CSGALNACT1: variants seen among roughly 807,000 people sequenced by gnomAD.
CSGALNACT1 encodes the protein chondroitin sulfate N-acetylgalactosaminyltransferase 1, also known as beta4GalNAcT-1.
CSGALNACT1 carries 52 observed loss-of-function variants against 51.0 expected under a neutral mutation model. The observed-to-expected ratio is 1.02, with a 90% CI of 0.82 to 1.29. The LOEUF (loss-of-function observed/expected upper bound fraction) is 1.29, where lower values mean the gene tolerates loss of function less well. CSGALNACT1 is among the 50% of genes most tolerant of loss of function. The pLI is 0.00. For synonymous variants in CSGALNACT1, 341 were observed against 254.4 expected, an observed-to-expected ratio of 1.34 and a Z score of -3.24; for missense variants, 935 against 679.2, an observed-to-expected ratio of 1.38 and a Z score of -4.19.
intron 1 of CSGALNACT1, among the ~76,000 whole-genome samples, chr8:19,740,601 G>GTAACTGTTA (rs2064253007): frequency 6.6e-6 from 1 of 152,132 alleles, no homozygotes; most frequent in East Asian, 1.9e-4. Flanking sequence ...ACTTATTTTA[G>GTAACTGTTA]TAACTGTTAT....
intron 1 of CSGALNACT1, among the ~76,000 whole-genome samples, chr8:19,621,612 A>G (rs2053836326): frequency 6.6e-6 from 1 of 152,084 alleles, no homozygotes; most frequent in African/African-American, 2.4e-5. Flanking sequence ...CCCAGTCTCT[A>G]CAAAAAATAT....
At chr8:19,457,439 C>T in intron 5 of CSGALNACT1, 2 of 360,178 alleles carry the variant, frequency 5.6e-6, no homozygotes, top group South Asian at 4.3e-5. Flanking sequence ...ATGGCGAAAC[C>T]CGGTCTCTAC....
intron 1 of CSGALNACT1, among the ~76,000 whole-genome samples, chr8:19,726,019 T>C (rs1229761546): frequency 6.6e-6 from 1 of 152,186 alleles, no homozygotes; most frequent in Non-Finnish European, 1.5e-5. Context: ...TAGTTTCACT[T>C]AAAATCCTCT....
At chr8:19,600,494 G>A (rs183057349) in intron 2 of CSGALNACT1, among the ~76,000 whole-genome samples, 1 of 152,224 alleles carries the variant, frequency 6.6e-6, no homozygotes, top group Admixed American at 6.5e-5. Flanking sequence ...TATCATCCAA[G>A]TAATTCTCAA....
intron 1 of CSGALNACT1, among the ~76,000 whole-genome samples, chr8:19,733,705 C>T (rs1465339600): frequency 6.6e-6 from 1 of 152,202 alleles, no homozygotes; most frequent in Non-Finnish European, 1.5e-5. Flanking sequence ...GCCTGAAAGA[C>T]GTCTACATGT....
In CSGALNACT1 at chr8:19,546,374, T is replaced by C. The variant is rs373346280; in HGVS notation, c.-296-40244A>G. Among the ~76,000 whole-genome samples the C allele has an allele frequency of 2.5e-4, 38 of 152,292 alleles. No homozygotes were observed. In the East Asian group the frequency reaches 3.9e-3, roughly 15 times the overall value. On this transcript the variant is annotated intron_variant, in intron 3 of 9. Coordinates refer to ENST00000454498, the Ensembl canonical transcript of CSGALNACT1. The stretch of plus-strand genomic sequence containing the variant: ...ACACAATACCCATCTGTCAATCTTA[T>C]TCCTACTATAATCATCAAGTGGTAA...
intron 3 of CSGALNACT1, among the ~76,000 whole-genome samples, chr8:19,563,206 T>C (rs992947392): frequency 2.6e-5 from 4 of 152,126 alleles, no homozygotes; most frequent in African/African-American, 9.7e-5. Flanking sequence ...ATATTCTCAC[T>C]ACTAAGTGGG....
chr8:19,746,192 G>C (rs1015791859), intron 1 of CSGALNACT1, among the ~76,000 whole-genome samples: 23 of 152,146 alleles, frequency 1.5e-4, no homozygotes, highest in Non-Finnish European at 7.4e-5. Flanking sequence ...CCCTAGCGTA[G>C]TAATATATTC....
At chr8:19,604,808 A>C (rs1047859308), upstream of CSGALNACT1, among the ~76,000 whole-genome samples, 3 of 150,224 alleles carry the variant, frequency 2.0e-5, no homozygotes, top group Non-Finnish European at 3.0e-5. Context: ...TCAGCTACTC[A>C]GGAGGTTGAG....
At chr8:19,502,560 G>A (rs571567796) in intron 4 of CSGALNACT1, among the ~76,000 whole-genome samples, 9 of 152,178 alleles carry the variant, frequency 5.9e-5, no homozygotes, top group East Asian at 3.9e-4. Flanking sequence ...TTTCTTCTCC[G>A]TTTGGAACTC....
intron 3 of CSGALNACT1, among the ~76,000 whole-genome samples, chr8:19,523,231 A>G (rs1444297355): frequency 2.0e-5 from 3 of 152,128 alleles, no homozygotes; most frequent in Non-Finnish European, 2.9e-5. Flanking sequence ...GTGGCATGTA[A>G]GATGTTCCTC....
At chr8:19,648,011 T>C (rs2057432884) in intron 1 of CSGALNACT1, among the ~76,000 whole-genome samples, 1 of 152,228 alleles carries the variant, frequency 6.6e-6, no homozygotes, top group East Asian at 1.9e-4. Context: ...CTGCTGCAAG[T>C]GGAAAGTAAA....
chr8:19,572,103 A>G (rs1006747707), intron 3 of CSGALNACT1, among the ~76,000 whole-genome samples: 4 of 152,218 alleles, frequency 2.6e-5, no homozygotes, highest in Non-Finnish European at 5.9e-5. Context: ...CCAGTCAACC[A>G]GAAAAACATC....
chr8:19,421,016 T>G (rs182560617), intron 6 of CSGALNACT1, among the ~76,000 whole-genome samples: 1 of 152,218 alleles, frequency 6.6e-6, no homozygotes, highest in African/African-American at 2.4e-5. Context: ...TAAACCCAGA[T>G]TCCTTCCGCA....
chr8:19,468,008 G>C (rs1240663130), intron 4 of CSGALNACT1, among the ~76,000 whole-genome samples: 2 of 152,080 alleles, frequency 1.3e-5, no homozygotes, highest in Non-Finnish European at 2.9e-5. Flanking sequence ...TAAAAAAGAT[G>C]AACATGATAA....
At chr8:19,551,135 A>C (rs1418208244) in intron 3 of CSGALNACT1, among the ~76,000 whole-genome samples, 1 of 146,274 alleles carries the variant, frequency 6.8e-6, no homozygotes, top group South Asian at 2.3e-4. Context: ...ACAATGAAGA[A>C]AAAAACAACT....
At chr8:19,693,998 T>G (rs1351387089) in intron 1 of CSGALNACT1, among the ~76,000 whole-genome samples, 1 of 152,148 alleles carries the variant, frequency 6.6e-6, no homozygotes, top group Non-Finnish European at 1.5e-5. Context: ...CATAATGCCA[T>G]CCAGGTTCAT....
chr8:19,570,637 C>G (rs1329485417), intron 3 of CSGALNACT1, among the ~76,000 whole-genome samples: 2 of 152,146 alleles, frequency 1.3e-5, no homozygotes, highest in African/African-American at 2.4e-5. Context: ...TTTGGCGGCT[C>G]AAGCCTGTAA....
chr8:19,563,531 A>C (rs1588396630), intron 3 of CSGALNACT1, among the ~76,000 whole-genome samples: 1 of 152,192 alleles, frequency 6.6e-6, no homozygotes, highest in African/African-American at 2.4e-5. Context: ...ATCAGTGCCC[A>C]CCCATTGCCT....
Sources: gnomAD v4.1 joint callset for allele counts (sites outside exome capture counted in the v4.1 genomes callset) on GRCh38, gnomAD v4.1.1 for gene constraint, MANE v1.5 for transcripts, NCBI Gene and HGNC (gene_info 2026-07-23, HGNC 2026-07-21) for gene names.